Variants in DNAJC6 observed in about 807,000 individuals in gnomAD.
The protein encoded by DNAJC6 is DnaJ heat shock protein family (Hsp40) member C6.
Under a neutral mutation model 110.0 loss-of-function variants are expected in DNAJC6, and 34 were observed. The ratio of observed to expected loss-of-function variants is 0.31; its 90% confidence interval spans 0.24 to 0.41. The LOEUF (loss-of-function observed/expected upper bound fraction) is 0.41. DNAJC6 is among the 10% of genes least tolerant of loss of function. The pLI, the probability that DNAJC6 is intolerant of heterozygous loss-of-function variation, is 1.00. For missense variants in DNAJC6, 1,031 were observed against 1,207.8 expected, an observed-to-expected ratio of 0.85 and a Z score of 2.17; for synonymous variants, 406 against 437.2, an observed-to-expected ratio of 0.93 and a Z score of 0.89.
intron 1 of DNAJC6, among the ~76,000 whole-genome samples, chr1:65,292,255 T>G (rs1046743649): frequency 1.3e-5 from 2 of 151,032 alleles, no homozygotes; most frequent in African/African-American, 4.9e-5. Flanking sequence ...TGACCTCAGA[T>G]GATCTACCCA....
chr1:65,289,628 C>A (rs1333946893), intron 1 of DNAJC6, among the ~76,000 whole-genome samples: 1 of 152,062 alleles, frequency 6.6e-6, no homozygotes, highest in Non-Finnish European at 1.5e-5. Flanking sequence ...TTGTGAGAGG[C>A]CTGATTATGA....
At chr1:65,385,458 A>G (rs1570357698) in intron 6 of DNAJC6, among the ~76,000 whole-genome samples, 2 of 152,372 alleles carry the variant, frequency 1.3e-5, no homozygotes, top group African/African-American at 2.4e-5. Flanking sequence ...TTGAAGTACT[A>G]TAAAATTCCC....
rs2274437 is a variant in DNAJC6, at chr1:65,408,464, T to A, written c.2492-177T>A. 0.6 allele frequency among the ~76,000 whole-genome samples: 91,838 copies of A among 151,994 alleles called. 29,944 individuals carry two copies. The highest frequency in any genetic ancestry group is 0.85 in the African/African-American group (35,452 of 41,482). On this transcript the variant is annotated intron_variant, in intron 16 of 18. Transcript: ENST00000371069. ...TATGATTCTGGACAGGTTCATTTTC[T>A]TCATCTGTAGAATGGATGCAACAGT... is the stretch of plus-strand genomic sequence containing the variant.
At chr1:65,367,503 G>A (rs1178662332) in intron 4 of DNAJC6, among the ~76,000 whole-genome samples, 1 of 152,002 alleles carries the variant, frequency 6.6e-6, no homozygotes, top group Admixed American at 6.6e-5. Context: ...CAAATCTTTT[G>A]AATTATTTTT....
intron 11 of DNAJC6, among the ~76,000 whole-genome samples, chr1:65,390,505 G>A (rs1387576788): frequency 3.9e-5 from 6 of 152,214 alleles, no homozygotes; most frequent in Non-Finnish European, 8.8e-5. Context: ...TCCAGCTGCT[G>A]CCAGCAGTAG....
At chr1:65,388,764 G>A (rs946882646) in intron 9 of DNAJC6, among the ~76,000 whole-genome samples, 88 of 152,318 alleles carry the variant, frequency 5.8e-4, no homozygotes, top group African/African-American at 2.0e-3. Flanking sequence ...TATGGTATCA[G>A]CAATGATGCA....
chr1:65,361,038 T>C (rs1645592039), intron 1 of DNAJC6, among the ~76,000 whole-genome samples: 4 of 152,272 alleles, frequency 2.6e-5, no homozygotes, highest in Admixed American at 2.0e-4. Context: ...TAGTGTGAAA[T>C]GGTAGATTAG....
chr1:65,273,778 A>G (rs1005169404), intron 1 of DNAJC6, among the ~76,000 whole-genome samples: 2 of 151,976 alleles, frequency 1.3e-5, no homozygotes, highest in East Asian at 1.9e-4. Context: ...ACAGTTGGGG[A>G]GTTTCTAGTT....
At position 65,297,801 on chromosome 1, in the gene DNAJC6, T is replaced by C. The variant is rs184778049; in HGVS notation, c.-131+32869T>C. ...AGTTCTGAACCTCCCCCATTGCTCC[T>C]TGGGGTAACATCATTATTGTGAAAC... On this transcript the variant is annotated intron_variant, in intron 1 of 19. Transcript: ENST00000263441. 5.1e-3 allele frequency among the ~76,000 whole-genome samples: 778 copies of C among 152,320 alleles called. 7 individuals carry two copies. The highest frequency in any genetic ancestry group is 0.018 in the African/African-American group (741 of 41,574).
chr1:65,395,782 A>G (rs953230955), intron 13 of DNAJC6, among the ~76,000 whole-genome samples: 4 of 152,210 alleles, frequency 2.6e-5, no homozygotes, highest in Admixed American at 1.3e-4. Context: ...TTATATTTCT[A>G]TGTTAGAGAC....
chr1:65,387,202 G>A (rs1645881399), intron 8 of DNAJC6, among the ~76,000 whole-genome samples: 1 of 152,174 alleles, frequency 6.6e-6, no homozygotes, highest in Non-Finnish European at 1.5e-5. Context: ...TTAGAAGCCT[G>A]TGCTTTTCTT....
At chr1:65,293,383 G>T (rs1644899028) in intron 1 of DNAJC6, among the ~76,000 whole-genome samples, 1 of 152,006 alleles carries the variant, frequency 6.6e-6, no homozygotes, top group South Asian at 2.1e-4. Flanking sequence ...CATGATGGGG[G>T]CCCTACCCAC....
intron 1 of DNAJC6, among the ~76,000 whole-genome samples, chr1:65,295,897 C>G (rs1460535013): frequency 6.6e-6 from 1 of 152,174 alleles, no homozygotes; most frequent in Non-Finnish European, 1.5e-5. Flanking sequence ...CTCAGTAAAT[C>G]CTTATGGAAT....
At chr1:65,355,384 A>G (rs180987438) in intron 1 of DNAJC6, among the ~76,000 whole-genome samples, 12 of 151,968 alleles carry the variant, frequency 7.9e-5, no homozygotes, top group African/African-American at 2.2e-4. Flanking sequence ...TTGGATGCCT[A>G]TGCTTCCTAT....
At chr1:65,298,993 C>T (rs6703186) in intron 1 of DNAJC6, 97,491 of 152,090 alleles carry the variant, frequency 0.64, 31,461 homozygotes, top group East Asian at 0.79. Context: ...TTGTCCTTGA[C>T]AGGGATGTCA....
At chr1:65,380,549 T>A (rs1645807574) in intron 5 of DNAJC6, among the ~76,000 whole-genome samples, 1 of 152,232 alleles carries the variant, frequency 6.6e-6, no homozygotes, top group South Asian at 2.1e-4. Flanking sequence ...AGGATTTTCC[T>A]TTCCAAGGCA....
intron 7 of DNAJC6, among the ~76,000 whole-genome samples, 183 bp from the exon 8 acceptor site, chr1:65,386,629 C>T (rs1464501980): frequency 1.3e-5 from 2 of 152,166 alleles, no homozygotes; most frequent in African/African-American, 4.8e-5. Context: ...CCAGCACCAT[C>T]CTACTGCACA....
At chr1:65,307,018 C>CTCTATA (rs1465563773), upstream of DNAJC6, among the ~76,000 whole-genome samples, 41 of 70,690 alleles carry the variant, frequency 5.8e-4, no homozygotes, top group African/African-American at 1.4e-3. Flanking sequence ...CTCTCTCTCT[C>CTCTATA]TATATATATA....
At chr1:65,277,570 C>T (rs1389665783) in intron 1 of DNAJC6, among the ~76,000 whole-genome samples, 1 of 151,834 alleles carries the variant, frequency 6.6e-6, no homozygotes, top group East Asian at 1.9e-4. Context: ...GAAGTACAGG[C>T]TTCTGCCTTT....
Sources: gnomAD v4.1 joint callset for allele counts (sites outside exome capture counted in the v4.1 genomes callset) on GRCh38, gnomAD v4.1.1 for gene constraint, MANE v1.5 for transcripts, NCBI Gene and HGNC (gene_info 2026-07-23, HGNC 2026-07-21) for gene names.